Variants in R3HDM1 observed in about 807,000 individuals in gnomAD.
R3HDM1 encodes the protein R3H domain containing 1.
In R3HDM1, 46 loss-of-function variants were observed where a neutral mutation model predicts 141.1. That is an observed-to-expected ratio of 0.33 (90% CI 0.26 to 0.42). The LOEUF (loss-of-function observed/expected upper bound fraction) is 0.42. R3HDM1 is among the 10% of genes least tolerant of loss of function. R3HDM1 has a pLI of 1.00. For missense variants in R3HDM1, 1,184 were observed against 1,368.3 expected, an observed-to-expected ratio of 0.87 and a Z score of 2.12; for synonymous variants, 435 against 472.9, an observed-to-expected ratio of 0.92 and a Z score of 1.04.
At position 135,588,696 on chromosome 2, in the gene R3HDM1, G is replaced by A. The variant is rs1339334268; in HGVS notation, c.-249-13804G>A. ...ATATGTGTTAGGCTACTATTAAAGG[G>A]AATTATTTTTCTCTTAAAGGATTTT... On this transcript the variant is annotated intron_variant, in intron 1 of 26. Coordinates refer to ENST00000683871, the MANE Select transcript of R3HDM1 (RefSeq NM_001378107.1). 4.0e-5 allele frequency among the ~76,000 whole-genome samples: 6 copies of A among 151,834 alleles called. No individual in the cohort carries two copies. In the South Asian group the frequency reaches 8.4e-4, roughly 21 times the overall value.
At chr2:135,716,268 C>G (rs970070172) in intron 24 of R3HDM1, among the ~76,000 whole-genome samples, 5 of 152,134 alleles carry the variant, frequency 3.3e-5, no homozygotes, top group Non-Finnish European at 7.4e-5. Flanking sequence ...CCACTGCATT[C>G]CAGCATGGAC....
At chr2:135,691,735 A>G (rs11896918) in intron 21 of R3HDM1, among the ~76,000 whole-genome samples, 18,492 of 151,744 alleles carry the variant, frequency 0.12, 1,361 homozygotes, top group South Asian at 0.32. Flanking sequence ...AGAGGCTGCA[A>G]TGAGTCGAGA....
chr2:135,559,121 T>G, intron 1 of R3HDM1: 1 of 906,700 alleles, frequency 1.1e-6, no homozygotes, highest in African/African-American at 1.8e-5. Flanking sequence ...GGTTTTGTTG[T>G]TGTTGTCGGA....
At chr2:135,699,574 ATTGCT>A (rs1232315071) in intron 21 of R3HDM1, among the ~76,000 whole-genome samples, 2 of 152,192 alleles carry the variant, frequency 1.3e-5, no homozygotes, top group Non-Finnish European at 2.9e-5. Flanking sequence ...TTCTCTTCTG[ATTGCT>A]TTGCTTTTCT....
intron 22 of R3HDM1, among the ~76,000 whole-genome samples, chr2:135,709,847 A>G (rs1467624189): frequency 6.6e-6 from 1 of 152,176 alleles, no homozygotes; most frequent in Non-Finnish European, 1.5e-5. Flanking sequence ...CTTTATGATA[A>G]GTGAGATGTT....
In R3HDM1 at chr2:135,614,265, G is replaced by A. The variant is rs374461342; in HGVS notation, c.172-1887G>A. 7.9e-5 allele frequency among the ~76,000 whole-genome samples: 12 copies of A among 152,260 alleles called. No individual in the cohort carries two copies. In the East Asian group the frequency reaches 1.9e-3, roughly 24 times the overall value. ...GTCTATGAATATTCTCAAGCATTAC[G>A]ATAGGAACAATATACAGCACCCCCA... is the stretch of plus-strand genomic sequence containing the variant. On this transcript the variant is annotated intron_variant, in intron 3 of 26. Coordinates refer to ENST00000683871, the MANE Select transcript of R3HDM1 (RefSeq NM_001378107.1).
chr2:135,586,818 G>A (rs1708041197), intron 1 of R3HDM1: 2 of 984,860 alleles, frequency 2.0e-6, no homozygotes, highest in African/African-American at 1.8e-5. Flanking sequence ...TGGTATTTGT[G>A]TATAGCACAG....
intron 17 of R3HDM1, 84 bp from the exon 18 acceptor site, chr2:135,651,646 A>G: frequency 6.7e-7 from 1 of 1,487,424 alleles, no homozygotes; most frequent in East Asian, 2.3e-5. Flanking sequence ...ATTGCATCTT[A>G]TTTAAAAATA....
At chr2:135,535,499 AAAATAAATAAATAAAT>A (rs3050151) in intron 1 of R3HDM1, among the ~76,000 whole-genome samples, 1,735 of 143,832 alleles carry the variant, frequency 0.012, 29 homozygotes, top group South Asian at 0.023. Context: ...CTTTGTCTCA[AAAATAAATAAATAAAT>A]AAATAAATAA....
At chr2:135,554,028 C>T (rs1427361942) in intron 1 of R3HDM1, among the ~76,000 whole-genome samples, 4 of 152,174 alleles carry the variant, frequency 2.6e-5, no homozygotes, top group Non-Finnish European at 2.9e-5. Flanking sequence ...AGATATAATT[C>T]GTGTACTGTA....
intron 19 of R3HDM1, chr2:135,670,204 T>C (rs963460033): frequency 6.6e-5 from 37 of 557,388 alleles, no homozygotes; most frequent in Non-Finnish European, 7.7e-5. Flanking sequence ...CAAAGATAAT[T>C]ATATTTTAAA....
chr2:135,600,424 G>C (rs899460631), intron 1 of R3HDM1, among the ~76,000 whole-genome samples: 60 of 152,172 alleles, frequency 3.9e-4, no homozygotes, highest in African/African-American at 1.4e-3. Context: ...ATTCTGACCA[G>C]AGAAGACAGC....
chr2:135,625,366 A>G (rs116351528), intron 7 of R3HDM1, among the ~76,000 whole-genome samples: 3,590 of 152,198 alleles, frequency 0.024, 77 homozygotes, highest in Middle Eastern at 0.17. Context: ...AACTGCTTGA[A>G]TCTGGAAGGC....
intron 18 of R3HDM1, among the ~76,000 whole-genome samples, chr2:135,652,365 C>T (rs985964355): frequency 1.3e-5 from 2 of 152,164 alleles, no homozygotes; most frequent in African/African-American, 2.4e-5. Flanking sequence ...CAGTGGCTCA[C>T]GCCTGTAATC....
intron 3 of R3HDM1, among the ~76,000 whole-genome samples, chr2:135,610,300 AT>A (rs2060422677): frequency 6.6e-6 from 1 of 152,210 alleles, no homozygotes; most frequent in Non-Finnish European, 1.5e-5. Context: ...TCACATTATT[AT>A]TAACAATAGG....
At chr2:135,595,522 T>A (rs1050266336) in intron 1 of R3HDM1, among the ~76,000 whole-genome samples, 1 of 152,236 alleles carries the variant, frequency 6.6e-6, no homozygotes, top group African/African-American at 2.4e-5. Flanking sequence ...CTGCAAACTA[T>A]GTAATACTGC....
chr2:135,566,212 T>C (rs566569024), intron 1 of R3HDM1, among the ~76,000 whole-genome samples: 26 of 152,330 alleles, frequency 1.7e-4, no homozygotes, highest in African/African-American at 6.0e-4. Context: ...GAACAACTTC[T>C]ACCTGCCCTG....
At chr2:135,699,894 A>G (rs1373310726) in intron 21 of R3HDM1, among the ~76,000 whole-genome samples, 1 of 152,208 alleles carries the variant, frequency 6.6e-6, no homozygotes, top group African/African-American at 2.4e-5. Context: ...CAGCAATCCA[A>G]AAAATGAGAA....
At chr2:135,708,183 T>C (rs1269931719) in intron 21 of R3HDM1, among the ~76,000 whole-genome samples, 1 of 152,240 alleles carries the variant, frequency 6.6e-6, no homozygotes, top group Non-Finnish European at 1.5e-5. Context: ...TATGTATCCC[T>C]GAAGGATTTT....
Sources: gnomAD v4.1 joint callset for allele counts (sites outside exome capture counted in the v4.1 genomes callset) on GRCh38, gnomAD v4.1.1 for gene constraint, MANE v1.5 for transcripts, NCBI Gene and HGNC (gene_info 2026-07-23, HGNC 2026-07-21) for gene names.